KCNK2: variants seen among roughly 807,000 people sequenced by gnomAD.
KCNK2 encodes the protein potassium channel subfamily K member 2.
A neutral mutation model predicts 40.5 loss-of-function variants in KCNK2; 21 were observed. The observed-to-expected ratio is 0.52, with a 90% confidence interval of 0.37 to 0.75. KCNK2 has a LOEUF of 0.75. Ranked by LOEUF, KCNK2 falls within the 30% of genes least tolerant of loss-of-function variation. The pLI is 0.00. For missense variants in KCNK2, 399 were observed against 531.6 expected (o/e 0.75, Z 2.45); for synonymous variants, 191 against 202.2 (o/e 0.94, Z 0.47).
At chr1:215,023,549 A>T (rs1656887811) in intron 1 of KCNK2, among the ~76,000 whole-genome samples, 1 of 152,204 alleles carries the variant, frequency 6.6e-6, no homozygotes, top group Non-Finnish European at 1.5e-5. Flanking sequence ...ATCATAATCA[A>T]TAGTTGAGTG....
intron 1 of KCNK2, among the ~76,000 whole-genome samples, chr1:215,041,215 G>A (rs1341780140): frequency 2.0e-5 from 3 of 152,124 alleles, no homozygotes; most frequent in African/African-American, 7.2e-5. Flanking sequence ...ACTTCTTAGC[G>A]ATTTATTTAG....
At chr1:215,231,249 A>G (rs938026684) in intron 6 of KCNK2, among the ~76,000 whole-genome samples, 6 of 152,216 alleles carry the variant, frequency 3.9e-5, no homozygotes, top group African/African-American at 1.4e-4. Flanking sequence ...GCTTTTTGCT[A>G]CAAAAATGCA....
chr1:215,232,066 A>G (rs1666688374), intron 6 of KCNK2, among the ~76,000 whole-genome samples: 2 of 152,222 alleles, frequency 1.3e-5, no homozygotes, highest in Admixed American at 1.3e-4. Context: ...AGCCATATCA[A>G]TACTCATGCC....
intron 5 of KCNK2, among the ~76,000 whole-genome samples, chr1:215,185,075 TAAAC>T (rs1473567456): frequency 2.6e-5 from 4 of 152,240 alleles, no homozygotes; most frequent in East Asian, 1.9e-4. Flanking sequence ...AATAATCAAA[TAAAC>T]AACTTTATTT....
chr1:215,233,117 C>T (rs1419204293), intron 6 of KCNK2, among the ~76,000 whole-genome samples: 2 of 152,098 alleles, frequency 1.3e-5, no homozygotes, highest in Non-Finnish European at 2.9e-5. Flanking sequence ...GTAAGTATCT[C>T]CAGGATAAAT....
chr1:215,071,743 A>G (rs533098212), intron 1 of KCNK2, among the ~76,000 whole-genome samples: 1 of 152,282 alleles, frequency 6.6e-6, no homozygotes, highest in Admixed American at 6.5e-5. Flanking sequence ...TTTGGGCATA[A>G]AATTTTGGGT....
chr1:215,119,281 T>C (rs1050684347), intron 2 of KCNK2, among the ~76,000 whole-genome samples: 10 of 152,186 alleles, frequency 6.6e-5, no homozygotes, highest in African/African-American at 2.4e-4. Context: ...TATCATTGTT[T>C]GGTGTTAAAG....
intron 6 of KCNK2, among the ~76,000 whole-genome samples, chr1:215,207,640 C>T (rs1311056961): frequency 6.6e-6 from 1 of 152,184 alleles, no homozygotes; most frequent in Non-Finnish European, 1.5e-5. Context: ...AAAGTAGTCA[C>T]TTTCATAATG....
At chr1:215,005,847 A>G, upstream of KCNK2, 1 of 1,379,898 alleles carries the variant, frequency 7.2e-7, no homozygotes, top group Non-Finnish European at 1.0e-6. Flanking sequence ...TTTGGAAATT[A>G]CGGACAAGAA....
At chr1:215,086,230 C>A in intron 1 of KCNK2, 138 bp from the exon 2 acceptor site, 1 of 666,282 alleles carries the variant, frequency 1.5e-6, no homozygotes, top group Non-Finnish European at 2.6e-6. Context: ...AGTGACAGCA[C>A]TCCTGGTTTG....
intron 3 of KCNK2, among the ~76,000 whole-genome samples, chr1:215,153,755 A>C (rs539957905): frequency 6.7e-6 from 1 of 150,318 alleles, no homozygotes; most frequent in African/African-American, 2.4e-5. Context: ...CTCACTCCCC[A>C]CCCTCCAACA....
Position 215,209,321 on chromosome 1 carries a change from C to G in KCNK2, c.963+14229C>G, listed in dbSNP as rs565342638. 4.8e-3 allele frequency among the ~76,000 whole-genome samples: 243 copies of G among 50,394 alleles called. 2 individuals are homozygous for G. Among genetic ancestry groups the G allele is most frequent in the African/African-American group, 0.013 (225 of 17,438 alleles). 33.1% of individuals were successfully genotyped at this position (50,394 alleles called of 152,430 possible). A position where few individuals can be genotyped will look rare whatever the true frequency, so the allele number is the denominator to read the frequency against. On this transcript the variant is annotated intron_variant, in intron 6 of 6. Coordinates refer to ENST00000444842, the MANE Select transcript of KCNK2 (RefSeq NM_001017425.3). ...ATATATATTATATATATGAAATATA[C>G]ACATATTTTTATATATATAATATAT... is the stretch of plus-strand genomic sequence containing the variant.
At chr1:215,072,981 A>G (rs184683995) in intron 1 of KCNK2, among the ~76,000 whole-genome samples, 16 of 152,290 alleles carry the variant, frequency 1.1e-4, no homozygotes, top group Non-Finnish European at 2.4e-4. Context: ...ATGAAGTTAA[A>G]ATGAGGTCAT....
intron 2 of KCNK2, among the ~76,000 whole-genome samples, chr1:215,091,041 A>C (rs749822435): frequency 6.6e-6 from 1 of 152,230 alleles, no homozygotes; most frequent in South Asian, 2.1e-4. Flanking sequence ...CAAAGGAGAT[A>C]GCTATTAACA....
intron 1 of KCNK2, among the ~76,000 whole-genome samples, chr1:215,007,683 C>T (rs1397268436): frequency 6.6e-6 from 1 of 152,098 alleles, no homozygotes; most frequent in African/African-American, 2.4e-5. Flanking sequence ...TTGATTGCAT[C>T]TGATTAGAAG....
Position 215,086,443 on chromosome 1 carries a change from C to A in KCNK2, c.122C>A (p.Pro41His), listed in dbSNP as rs750151336. ...CCGAGGCTCTCGTTTTCCACGAAAC[C>A]CACAGTGCTTGCTTCCCGGGTGGAG... ...SKPRLSFSTK[P>H]TVLASRVESD... The change falls in exon 2 of 7, where the codon CCC (proline) becomes CAC (histidine). Residue 41 changes from proline (P) to histidine (H), a missense_variant. Physicochemically the swap from Pro to His is moderately conservative, Grantham distance 77. Around this residue, in one of 3 missense-constraint regions of KCNK2, gnomAD observed 279 missense variants for 353.8 expected, o/e 0.79. Transcript: ENST00000444842. 1 of 1,614,114 alleles carries A rather than the reference C, an allele frequency of 6.2e-7. No homozygotes were observed. The highest frequency in any genetic ancestry group is 1.1e-5 in the South Asian group (1 of 91,058).
intron 1 of KCNK2, among the ~76,000 whole-genome samples, chr1:215,031,947 A>G (rs1168211494): frequency 1.3e-5 from 2 of 152,206 alleles, no homozygotes; most frequent in Non-Finnish European, 2.9e-5. Context: ...TAGTGCCAGT[A>G]CCTTATAATA....
intron 1 of KCNK2, among the ~76,000 whole-genome samples, chr1:215,008,490 A>C (rs1172995174): frequency 6.6e-6 from 1 of 152,142 alleles, no homozygotes; most frequent in East Asian, 1.9e-4. Flanking sequence ...CCCCCTACTT[A>C]TAAACAGAGT....
chr1:215,224,939 C>T (rs1449898205), intron 6 of KCNK2, among the ~76,000 whole-genome samples: 4 of 152,002 alleles, frequency 2.6e-5, no homozygotes, highest in South Asian at 4.1e-4. Context: ...ACTTGGGTTG[C>T]GTTGAGCAAA....
Sources: gnomAD v4.1 joint callset for allele counts (sites outside exome capture counted in the v4.1 genomes callset) on GRCh38, gnomAD v4.1.1 for gene constraint, gnomAD v4.1.1 regional missense constraint, MANE v1.5 for transcripts, NCBI Gene and HGNC (gene_info 2026-07-23, HGNC 2026-07-21) for gene names.